SPMIP7: variants seen among roughly 807,000 people sequenced by gnomAD.
SPMIP7 encodes the protein sperm microtubule inner protein 7, also known as protein SPMIP7.
the SPMIP7 span, among the ~76,000 whole-genome samples, chr7:50,139,337 G>A: frequency 1.4e-5 from 2 of 146,390 alleles, no homozygotes; most frequent in Non-Finnish European, 3.0e-5. Context: ...TGACTAGAGC[G>A]AGGCACCATC....
At chr7:50,159,023 C>T in the SPMIP7 span, 1 of 1,549,512 alleles carries the variant, frequency 6.5e-7, no homozygotes, top group South Asian at 1.2e-5. Context: ...CATTTTCCTC[C>T]TTTTTTTCCC....
At chr7:50,125,115 TACACAC>T in the SPMIP7 span, among the ~76,000 whole-genome samples, 4 of 25,420 alleles carry the variant, frequency 1.6e-4, 1 homozygote, top group Admixed American at 1.5e-3. Flanking sequence ...TATATATATA[TACACAC>T]ACACACACAC....
chr7:50,104,803 T>A, the SPMIP7 span, among the ~76,000 whole-genome samples: 1 of 152,186 alleles, frequency 6.6e-6, no homozygotes, highest in Admixed American at 6.5e-5. Flanking sequence ...ACTGACTGAC[T>A]TCTTAGAGCA....
the SPMIP7 span, among the ~76,000 whole-genome samples, chr7:50,103,858 T>G: frequency 6.6e-6 from 1 of 152,222 alleles, no homozygotes; most frequent in African/African-American, 2.4e-5. Flanking sequence ...TATGGACACC[T>G]CAAAACCAGG....
the SPMIP7 span, among the ~76,000 whole-genome samples, chr7:50,150,608 C>T: frequency 2.0e-5 from 3 of 152,220 alleles, no homozygotes; most frequent in Non-Finnish European, 4.4e-5. Context: ...CATGCTGGGC[C>T]TGTCCCATAA....
At chr7:50,148,311 T>C in the SPMIP7 span, among the ~76,000 whole-genome samples, 1 of 152,258 alleles carries the variant, frequency 6.6e-6, no homozygotes, top group African/African-American at 2.4e-5. Context: ...TGTAATCTAA[T>C]AGCATTAAGA....
At chr7:50,125,341 T>TATATACACACATATATATAC in the SPMIP7 span, among the ~76,000 whole-genome samples, 1 of 59,982 alleles carries the variant, frequency 1.7e-5, no homozygotes, top group Admixed American at 1.9e-4. Context: ...TATATATACA[T>TATATACACACATATATATAC]ATATATACAC....
At chr7:50,101,762 C>T in the SPMIP7 span, among the ~76,000 whole-genome samples, 2 of 152,154 alleles carry the variant, frequency 1.3e-5, no homozygotes, top group African/African-American at 4.8e-5. Context: ...GCACAATAGA[C>T]TTCTAGAGAG....
chr7:50,137,351 A>C, the SPMIP7 span, among the ~76,000 whole-genome samples: 2 of 152,150 alleles, frequency 1.3e-5, no homozygotes, highest in African/African-American at 4.8e-5. Context: ...ATACCTGTTG[A>C]CATCTGTGTT....
chr7:50,135,629 G>T, the SPMIP7 span, among the ~76,000 whole-genome samples: 1 of 152,144 alleles, frequency 6.6e-6, no homozygotes, highest in Non-Finnish European at 1.5e-5. Flanking sequence ...TTATACCTGT[G>T]AAAGTTGGTC....
the SPMIP7 span, among the ~76,000 whole-genome samples, chr7:50,130,530 G>T: frequency 2.0e-5 from 3 of 152,082 alleles, no homozygotes; most frequent in Non-Finnish European, 4.4e-5. Context: ...GGTCAGATTT[G>T]GGTGGGGACA....
the SPMIP7 span, among the ~76,000 whole-genome samples, chr7:50,120,551 GA>G: frequency 1.3e-5 from 2 of 152,148 alleles, no homozygotes; most frequent in African/African-American, 4.8e-5. Flanking sequence ...TACTACTACA[GA>G]AAGCTTAATT....
chr7:50,133,142 C>T, the SPMIP7 span, among the ~76,000 whole-genome samples: 1 of 151,984 alleles, frequency 6.6e-6, no homozygotes, highest in African/African-American at 2.4e-5. Flanking sequence ...CACTCAGGAT[C>T]CAACTGGAAT....
At chr7:50,159,081 G>A in the SPMIP7 span, 9 of 1,551,810 alleles carry the variant, frequency 5.8e-6, no homozygotes, top group Admixed American at 2.0e-5. Flanking sequence ...GACCTCTTCC[G>A]TCACCAGGCT....
chr7:50,129,484 T>C, the SPMIP7 span, among the ~76,000 whole-genome samples: 11 of 152,210 alleles, frequency 7.2e-5, no homozygotes, highest in Admixed American at 3.9e-4. Flanking sequence ...GTTCTCACTT[T>C]CCATTAACTT....
chr7:50,122,502 A>G, the SPMIP7 span, among the ~76,000 whole-genome samples: 3 of 151,408 alleles, frequency 2.0e-5, no homozygotes, highest in East Asian at 1.9e-4. Context: ...GGACATAGGC[A>G]TGGGCAAGGA....
the SPMIP7 span, among the ~76,000 whole-genome samples, chr7:50,122,481 A>G: frequency 1.3e-5 from 2 of 151,238 alleles, no homozygotes; most frequent in Non-Finnish European, 2.9e-5. Context: ...AAACCTAGGC[A>G]TTACCATTCA....
chr7:50,101,989 G>A, the SPMIP7 span, among the ~76,000 whole-genome samples: 1 of 152,288 alleles, frequency 6.6e-6, no homozygotes, highest in African/African-American at 2.4e-5. Context: ...TCTGGGGAAC[G>A]TCATCTCGGT....
chr7:50,128,184 G>A, the SPMIP7 span, among the ~76,000 whole-genome samples: 4 of 151,914 alleles, frequency 2.6e-5, no homozygotes, highest in South Asian at 4.1e-4. Flanking sequence ...GGAACTGGAG[G>A]TCATTATGTT....
Sources: allele counts gnomAD v4.1 joint callset (sites outside exome capture counted in the v4.1 genomes callset), GRCh38; gene constraint gnomAD v4.1.1; transcripts MANE v1.5; gene names NCBI Gene and HGNC (gene_info 2026-07-23, HGNC 2026-07-21).